The following MIER3 variants were observed in gnomAD, a reference collection of about 807,000 sequenced individuals.
MIER3 encodes MIER family member 3, also known as mesoderm induction early response protein 3.
MIER3 carries 9 observed loss-of-function variants against 63.2 expected under a neutral mutation model. The ratio of observed to expected loss-of-function variants is 0.14; its 90% CI spans 0.09 to 0.25. MIER3 has a LOEUF of 0.25. MIER3 is among the 10% of genes least tolerant of loss of function. MIER3 has a pLI of 1.00. For synonymous variants in MIER3, 205 were observed against 224.9 expected, an observed-to-expected ratio of 0.91 and a Z score of 0.79; for missense variants, 512 against 666.2, an observed-to-expected ratio of 0.77 and a Z score of 2.55.
At chr5:56,952,019 G>C (rs914050489) in intron 1 of MIER3, 75 bp downstream of exon 1, 4 of 1,213,486 alleles carry the variant, frequency 3.3e-6, no homozygotes, top group Admixed American at 7.7e-5. Context: ...GATCCCCCAG[G>C]CTGGCTCGGG....
In MIER3 at chr5:56,922,815, G is replaced by A; in HGVS notation, c.*313C>T. On this transcript the variant is annotated 3_prime_UTR_variant, in exon 13 of 13. Transcript: ENST00000381199. Reference sequence around the variant, plus strand: ...TTAAAATTGGGAGTGAGGGCAGTGGGGAACACAAAAGAATAGAAAAAGAAG... The same window carrying A: ...TTAAAATTGGGAGTGAGGGCAGTGGAGAACACAAAAGAATAGAAAAAGAAG... 6.5e-6 allele frequency: 2 copies of A among 306,344 alleles called. No individual in the cohort carries two copies. The highest frequency in any genetic ancestry group is 1.2e-5 in the Non-Finnish European group (2 of 161,128). The allele number at this position is 306,344 out of a possible 1,614,324, so 19.0% of individuals were successfully genotyped here. A position where few individuals can be genotyped will look rare whatever the true frequency, so the allele number is the denominator to read the frequency against.
At chr5:56,942,872 G>A (rs543825889) in intron 3 of MIER3, among the ~76,000 whole-genome samples, 136 of 152,306 alleles carry the variant, frequency 8.9e-4, no homozygotes, top group Non-Finnish European at 1.6e-3. Context: ...TGGGACAAGC[G>A]CGGTAGCTGC....
chr5:56,934,387 A>G (rs1261465039), intron 7 of MIER3, among the ~76,000 whole-genome samples: 4 of 152,210 alleles, frequency 2.6e-5, no homozygotes, highest in African/African-American at 7.2e-5. Context: ...AGGTAAAACA[A>G]TTTGGGTTTA....
chr5:56,923,642 C>G (rs1749800488), intron 12 of MIER3, 49 bp downstream of exon 12: 2 of 1,613,174 alleles, frequency 1.2e-6, no homozygotes, highest in Middle Eastern at 3.3e-4. Context: ...AAACAGAGGA[C>G]ACAATTTTGC....
rs76463430 is a variant in MIER3 at position 56,942,812 on chromosome 5, G to C, written c.181-3795C>G. On this transcript the variant is annotated intron_variant, in intron 3 of 12. Coordinates refer to ENST00000381199, the MANE Select transcript of MIER3 (RefSeq NM_001297599.2). The stretch of plus-strand genomic sequence containing the variant: ...CAAATTCCAAAAAGAAACTGAGCAA[G>C]AGAAAGACAAGAAATCTTAGTATCT... Among the ~76,000 whole-genome samples the C allele has an allele frequency of 7.3e-3, 1,107 of 152,244 alleles. 17 individuals carry two copies. The highest frequency in any genetic ancestry group is 0.024 in the African/African-American group (992 of 41,552).
Position 56,926,413 on chromosome 5 carries a change from A to G in MIER3, c.924+2354T>C, listed in dbSNP as rs187680175. ...ACTCAACAAGAATACAAACCACCCA[A>G]TTAAAATCTGGGCAAAAAATCTGAA... On this transcript the variant is annotated intron_variant, in intron 10 of 12. Transcript: ENST00000381199. Among the ~76,000 whole-genome samples the G allele has an allele frequency of 1.1e-3, 175 of 152,234 alleles. 1 individual carries two copies. Among genetic ancestry groups the G allele is most frequent in the South Asian group, 2.5e-3 (12 of 4,828 alleles).
rs1750417221 is a variant in MIER3, at chr5:56,935,650, T to C, written c.522+16A>G. On this transcript the variant is annotated intron_variant, in intron 6 of 12. Coordinates refer to ENST00000381199, the MANE Select transcript of MIER3 (RefSeq NM_001297599.2). ...TTTTAAAAGCCAATTTAGTCCACTA[T>C]ATTAACTCAGCTTACCTTCCTCAAA... is the stretch of plus-strand genomic sequence containing the variant. 7 of 1,605,576 alleles carry C rather than the reference T, an allele frequency of 4.4e-6. No homozygotes were observed. Among genetic ancestry groups the C allele is most frequent in the Non-Finnish European group, 5.1e-6 (6 of 1,173,300 alleles).
chr5:56,950,137 T>G (rs1259177503), intron 2 of MIER3, among the ~76,000 whole-genome samples: 1 of 152,218 alleles, frequency 6.6e-6, no homozygotes, highest in Non-Finnish European at 1.5e-5. Context: ...GTCTTTTTTA[T>G]TAAGGTAGCT....
chr5:56,935,324 T>C (rs1750404867), intron 7 of MIER3, 104 bp downstream of exon 7: 11 of 842,368 alleles, frequency 1.3e-5, no homozygotes, highest in Non-Finnish European at 2.0e-5. Context: ...TTCCCAAATC[T>C]ATCTATCTAT....
chr5:56,924,643 T>G (rs1322068682), intron 10 of MIER3, among the ~76,000 whole-genome samples: 1 of 152,128 alleles, frequency 6.6e-6, no homozygotes, highest in African/African-American at 2.4e-5. Context: ...GTATGTTTGG[T>G]TTTTAGATCC....
intron 3 of MIER3, chr5:56,940,969 C>T: frequency 1.0e-6 from 1 of 985,430 alleles, no homozygotes; most frequent in Non-Finnish European, 1.2e-6. Context: ...TTCACACTCT[C>T]TCCCTGAAAT....
chr5:56,921,789 T>C lies in MIER3; in HGVS notation c.*1339A>G, dbSNP rs1749686854. 6.6e-6 allele frequency: 1 copy of C among 152,626 alleles called. No homozygotes were observed. Among genetic ancestry groups the C allele is most frequent in the Non-Finnish European group, 1.5e-5 (1 of 68,042 alleles). 9.5% of individuals were successfully genotyped at this position (152,626 alleles called of 1,614,324 possible). On this transcript the variant is annotated 3_prime_UTR_variant, in exon 13 of 13. Transcript: ENST00000381199. ...ATTAAGACGGTGCAAACAACATAAT[T>C]CTCTATTTTAACAGTACTACAAAAG...
intron 2 of MIER3, 132 bp downstream of exon 2, chr5:56,950,496 A>T (rs771343138): frequency 3.6e-5 from 33 of 914,078 alleles, no homozygotes; most frequent in Non-Finnish European, 5.2e-5. Context: ...TACTAAATGC[A>T]CACTGAAACT....
In MIER3 at chr5:56,921,354, A is replaced by C. The variant is rs1392737893; in HGVS notation, c.*1774T>G. ...TAAGAAGCTGACAACTTGGATAAAA[A>C]TACAAGAAAGTAACACAGAGCCCAG... On this transcript the variant is annotated 3_prime_UTR_variant, in exon 13 of 13. Coordinates refer to ENST00000381199, the MANE Select transcript of MIER3 (RefSeq NM_001297599.2). The C allele has an allele frequency of 6.6e-5, 10 of 152,402 alleles. No homozygotes were observed. Among genetic ancestry groups the C allele is most frequent in the Non-Finnish European group, 1.5e-5 (1 of 67,994 alleles). 9.4% of individuals were successfully genotyped at this position (152,402 alleles called of 1,614,324 possible).
chr5:56,931,363 G>C (rs1363702370), intron 8 of MIER3, among the ~76,000 whole-genome samples: 1 of 152,088 alleles, frequency 6.6e-6, no homozygotes, highest in Non-Finnish European at 1.5e-5. Context: ...TTAAGGAAGT[G>C]AAGATGGTTC....
intron 3 of MIER3, among the ~76,000 whole-genome samples, chr5:56,945,838 T>G (rs192644736): frequency 6.6e-6 from 1 of 152,180 alleles, no homozygotes; most frequent in Non-Finnish European, 1.5e-5. Flanking sequence ...TAAAAAAGAT[T>G]AAGAGAATAC....
In MIER3 at chr5:56,951,282, C is replaced by A. The variant is rs1306613288; in HGVS notation, c.10-630G>T. Among the ~76,000 whole-genome samples, 6 of 152,160 alleles carry A rather than the reference C, an allele frequency of 3.9e-5. No individual in the cohort carries two copies. In the East Asian group the frequency reaches 1.2e-3, roughly 30 times the overall value. On this transcript the variant is annotated intron_variant, in intron 1 of 12. Coordinates refer to ENST00000381199, the MANE Select transcript of MIER3 (RefSeq NM_001297599.2). The stretch of plus-strand genomic sequence containing the variant: ...CAGAGTGTTCAGTCCCTCCCTGGAC[C>A]GTCAGCGCGCCCCCCGCCCCAGCGA...
Position 56,939,031 on chromosome 5 carries a change from G to A in MIER3, c.181-14C>T, listed in dbSNP as rs756722684. 65 of 1,613,118 alleles carry A rather than the reference G, an allele frequency of 4.0e-5. No homozygotes were observed. In the East Asian group the frequency reaches 1.4e-3, roughly 35 times the overall value. On this transcript the variant is annotated splice_polypyrimidine_tract_variant and intron_variant, in intron 3 of 12. Transcript: ENST00000381199. ...CATGGTTCCTTCCTGTTCAAGCCAG[G>A]GCATAAACACGGACTCAGCAGATGT...
rs1389192530 is a variant in MIER3 at position 56,922,550 on chromosome 5, A to G, written c.*578T>C. ...TGCTCTAGTTGAATAACATGAGAGA[A>G]GTTTCCATTTTTAAAAAATCCTTGC... On this transcript the variant is annotated 3_prime_UTR_variant, in exon 13 of 13. Coordinates refer to ENST00000381199, the MANE Select transcript of MIER3 (RefSeq NM_001297599.2). 2 of 153,506 alleles carry G rather than the reference A, an allele frequency of 1.3e-5. No individual in the cohort carries two copies. Among genetic ancestry groups the G allele is most frequent in the African/African-American group, 4.8e-5 (2 of 41,462 alleles). 9.5% of individuals were successfully genotyped at this position (153,506 alleles called of 1,614,324 possible). A position where few individuals can be genotyped will look rare whatever the true frequency, so the allele number is the denominator to read the frequency against.
Sources: gnomAD v4.1 joint callset for allele counts (sites outside exome capture counted in the v4.1 genomes callset) on GRCh38, gnomAD v4.1.1 for gene constraint, MANE v1.5 for transcripts, NCBI Gene and HGNC (gene_info 2026-07-23, HGNC 2026-07-21) for gene names.